The following HDAC9 variants were observed in gnomAD, a reference collection of about 807,000 sequenced individuals.
HDAC9 encodes MEF-2 interacting transcription repressor (MITR) protein.
In HDAC9, 41 loss-of-function variants were observed where a neutral mutation model predicts 139.4. The observed-to-expected ratio is 0.29, with a 90% CI of 0.23 to 0.38. The LOEUF (loss-of-function observed/expected upper bound fraction) is 0.38, where lower values mean the gene tolerates loss of function less well. Among genes scored for constraint, HDAC9 ranks in the 10% least tolerant of loss-of-function variants. The pLI, the probability that HDAC9 is intolerant of heterozygous loss-of-function variation, is 1.00. For synonymous variants in HDAC9, 517 were observed against 476.2 expected (o/e 1.09, Z -1.12); for missense variants, 1,147 against 1,297.0 (o/e 0.88, Z 1.78).
chr7:18,679,223 C>T (rs1387573133), intron 12 of HDAC9, among the ~76,000 whole-genome samples: 4 of 151,842 alleles, frequency 2.6e-5, no homozygotes, highest in Admixed American at 2.6e-4. Context: ...CTTTGAATTT[C>T]TTGGATTTTG....
chr7:18,990,917 C>T (rs565618687), intron 25 of HDAC9, among the ~76,000 whole-genome samples: 70 of 152,312 alleles, frequency 4.6e-4, no homozygotes, highest in African/African-American at 1.3e-3. Flanking sequence ...GCATGGAGCG[C>T]GCACCCACTG....
At chr7:18,545,745 GGTATGAAAT>G (rs1814583098) in intron 2 of HDAC9, among the ~76,000 whole-genome samples, 1 of 152,078 alleles carries the variant, frequency 6.6e-6, no homozygotes, top group Non-Finnish European at 1.5e-5. Flanking sequence ...TAAAATGGCA[GGTATGAAAT>G]GAATGAAAGG....
intron 1 of HDAC9, among the ~76,000 whole-genome samples, chr7:18,481,342 C>T (rs753123422): frequency 4.6e-5 from 7 of 152,228 alleles, no homozygotes; most frequent in East Asian, 1.9e-4. Context: ...TTCTCTGGAA[C>T]GCAATTATTG....
intron 25 of HDAC9, among the ~76,000 whole-genome samples, chr7:18,988,574 C>G (rs141963400): frequency 0.47 from 71,568 of 151,482 alleles, 17,313 homozygotes; most frequent in Non-Finnish European, 0.53. Context: ...AGATGTCTAT[C>G]AGGTCCGCTT....
chr7:18,117,662 G>A (rs191071196), intron 1 of HDAC9, among the ~76,000 whole-genome samples: 4 of 152,306 alleles, frequency 2.6e-5, no homozygotes, highest in Admixed American at 2.0e-4. Context: ...GCCACCAGCA[G>A]AAGCTAGGAA....
intron 12 of HDAC9, among the ~76,000 whole-genome samples, chr7:18,684,863 T>A (rs1368140039): frequency 1.3e-5 from 2 of 152,050 alleles, no homozygotes; most frequent in East Asian, 3.9e-4. Context: ...CCACCTAAGT[T>A]ATGTTCTAAA....
At chr7:18,445,512 G>C (rs749980439) in intron 1 of HDAC9, among the ~76,000 whole-genome samples, 1 of 152,174 alleles carries the variant, frequency 6.6e-6, no homozygotes. Flanking sequence ...AGCGGCCTCT[G>C]TGATTGTTTC....
intron 11 of HDAC9, among the ~76,000 whole-genome samples, chr7:18,656,734 C>T (rs1239348442): frequency 6.6e-6 from 1 of 152,094 alleles, no homozygotes; most frequent in African/African-American, 2.4e-5. Flanking sequence ...GTGGACAGTG[C>T]TGTGACAAAC....
intron 22 of HDAC9, among the ~76,000 whole-genome samples, chr7:18,923,288 C>G (rs1276585169): frequency 2.0e-5 from 3 of 152,060 alleles, no homozygotes; most frequent in Non-Finnish European, 4.4e-5. Context: ...GAGCAATAGA[C>G]TCAACAGCTG....
chr7:18,302,997 T>C (rs1353325800), intron 1 of HDAC9, among the ~76,000 whole-genome samples: 1 of 152,116 alleles, frequency 6.6e-6, no homozygotes, highest in Non-Finnish European at 1.5e-5. Context: ...AAGTGTTGTT[T>C]GTCAATTGTT....
chr7:18,786,464 TCC>T, intron 16 of HDAC9, among the ~76,000 whole-genome samples: 1 of 24,586 alleles, frequency 4.1e-5, no homozygotes, highest in Non-Finnish European at 2.5e-4. Context: ...TTTCCTTCCT[TCC>T]TTTCGTCCTT....
chr7:18,482,473 G>A (rs1795646424), intron 1 of HDAC9, among the ~76,000 whole-genome samples: 1 of 135,754 alleles, frequency 7.4e-6, no homozygotes, highest in Non-Finnish European at 1.5e-5. Context: ...TTCCCCTTAT[G>A]TGGATATTGT....
chr7:18,258,590 T>G (rs551433722), intron 2 of HDAC9, among the ~76,000 whole-genome samples: 75 of 152,326 alleles, frequency 4.9e-4, no homozygotes, highest in African/African-American at 1.7e-3. Context: ...CTGTGATGGT[T>G]ATTTCTATTC....
At chr7:18,962,919 A>G (rs1468278730) in intron 24 of HDAC9, among the ~76,000 whole-genome samples, 2 of 152,172 alleles carry the variant, frequency 1.3e-5, no homozygotes, top group African/African-American at 4.8e-5. Flanking sequence ...AAGGAAAACT[A>G]AGATTTTAAT....
At chr7:18,347,616 T>G (rs925659845) in intron 1 of HDAC9, among the ~76,000 whole-genome samples, 1 of 152,210 alleles carries the variant, frequency 6.6e-6, no homozygotes, top group African/African-American at 2.4e-5. Flanking sequence ...TTATTTTATT[T>G]TATTTTTTAG....
intron 1 of HDAC9, among the ~76,000 whole-genome samples, chr7:18,482,802 T>C (rs796278628): frequency 9.8e-5 from 15 of 152,308 alleles, no homozygotes; most frequent in African/African-American, 3.1e-4. Context: ...TCCTGTCCAG[T>C]GGCTTGCTGC....
At chr7:18,308,013 A>G (rs1264927379) in intron 1 of HDAC9, among the ~76,000 whole-genome samples, 1 of 152,240 alleles carries the variant, frequency 6.6e-6, no homozygotes, top group East Asian at 1.9e-4. Context: ...AAAAAGTTCT[A>G]GAAGAAAAAC....
At chr7:18,398,039 A>G (rs1456487628) in intron 1 of HDAC9, among the ~76,000 whole-genome samples, 2 of 152,172 alleles carry the variant, frequency 1.3e-5, no homozygotes, top group Non-Finnish European at 2.9e-5. Context: ...GATTTGTCCA[A>G]GGTTTAAATA....
chr7:18,169,428 T>C (rs1788248568), intron 2 of HDAC9, among the ~76,000 whole-genome samples: 1 of 152,154 alleles, frequency 6.6e-6, no homozygotes, highest in Non-Finnish European at 1.5e-5. Flanking sequence ...TGCCATACTT[T>C]TCCTTGCAGT....
Sources: allele counts gnomAD v4.1 joint callset (sites outside exome capture counted in the v4.1 genomes callset), GRCh38; gene constraint gnomAD v4.1.1; transcripts MANE v1.5; gene names NCBI Gene and HGNC (gene_info 2026-07-23, HGNC 2026-07-21).